The following CBFA2T2 variants were observed in gnomAD, a reference collection of about 807,000 sequenced individuals.
CBFA2T2 encodes the protein CBFA2/RUNX1 partner transcriptional co-repressor 2.
A neutral mutation model predicts 62.2 loss-of-function variants in CBFA2T2; 11 were observed. The observed-to-expected ratio is 0.18, with a 90% confidence interval of 0.11 to 0.29. CBFA2T2 has a LOEUF of 0.29. Among genes scored for constraint, CBFA2T2 ranks in the 10% least tolerant of loss-of-function variants. The pLI is 1.00. For missense variants in CBFA2T2, 592 were observed against 774.1 expected, an observed-to-expected ratio of 0.76 and a Z score of 2.79; for synonymous variants, 295 against 287.5, an observed-to-expected ratio of 1.03 and a Z score of -0.27.
chr20:33,546,196 A>T (rs1475162301), intron 1 of CBFA2T2, among the ~76,000 whole-genome samples: 1 of 152,086 alleles, frequency 6.6e-6, no homozygotes, highest in African/African-American at 2.4e-5. Context: ...TTTTTCCTGA[A>T]GATTTGCAAT....
chr20:33,511,333 C>T (rs934357537), intron 1 of CBFA2T2, among the ~76,000 whole-genome samples: 10 of 152,092 alleles, frequency 6.6e-5, no homozygotes, highest in African/African-American at 1.9e-4. Context: ...GAAAGGGATC[C>T]GGTTTCAGTT....
intron 2 of CBFA2T2, among the ~76,000 whole-genome samples, chr20:33,608,615 T>C (rs1474914301): frequency 6.6e-6 from 1 of 152,204 alleles, no homozygotes; most frequent in Non-Finnish European, 1.5e-5. Flanking sequence ...TAGACATATA[T>C]ACTATCTTGA....
In CBFA2T2 at chr20:33,551,278, G is replaced by A. The variant is rs550680058; in HGVS notation, c.35-55678G>A. On this transcript the variant is annotated intron_variant, in intron 1 of 10. Coordinates refer to ENST00000342704, the MANE Select transcript of CBFA2T2 (RefSeq NM_001032999.3). ...GTCGCCCAGGCTGGAGTGCAATGGCGTAATCTCGGCTCACTGCAACCTCAG... is the reference window on the plus strand; with the variant it reads ...GTCGCCCAGGCTGGAGTGCAATGGCATAATCTCGGCTCACTGCAACCTCAG... 2.2e-3 allele frequency among the ~76,000 whole-genome samples: 340 copies of A among 151,172 alleles called. 1 individual carries two copies. Among genetic ancestry groups the A allele is most frequent in the East Asian group, 0.011 (58 of 5,132 alleles).
At position 33,616,078 on chromosome 20, in the gene CBFA2T2, GAGATAGATAGATAGAT is replaced by G. The variant is rs3054967; in HGVS notation, c.421-3398_421-3383del. Among the ~76,000 whole-genome samples, 648 of 143,286 alleles carry G rather than the reference GAGATAGATAGATAGAT, an allele frequency of 4.5e-3. 6 individuals carry two copies. The highest frequency in any genetic ancestry group is 0.017 in the Admixed American group (248 of 14,262). 94.0% of individuals were successfully genotyped at this position (143,286 alleles called of 152,430 possible). ...GTGACAAAGCAATACTCTGTAGATAGAGATAGATAGATAGATAGATAGATAGATAGATAGATAGATA... is the reference window on the plus strand; with the variant it reads ...GTGACAAAGCAATACTCTGTAGATAGAGATAGATAGATAGATAGATAGATA... On this transcript the variant is annotated intron_variant, in intron 3 of 10. Coordinates refer to ENST00000342704, the MANE Select transcript of CBFA2T2 (RefSeq NM_001032999.3).
At chr20:33,597,564 C>G (rs939015733) in intron 1 of CBFA2T2, among the ~76,000 whole-genome samples, 3 of 152,148 alleles carry the variant, frequency 2.0e-5, no homozygotes, top group African/African-American at 7.2e-5. Context: ...ATTAGGAGGG[C>G]AATCCCTGTT....
chr20:33,493,066 T>TG (rs1043583780), intron 1 of CBFA2T2, among the ~76,000 whole-genome samples: 4 of 148,220 alleles, frequency 2.7e-5, no homozygotes, highest in African/African-American at 1.0e-4. Context: ...ATTGAAGTTT[T>TG]GGTTTTTTTT....
intron 1 of CBFA2T2, among the ~76,000 whole-genome samples, chr20:33,571,379 A>C (rs564720259): frequency 6.6e-6 from 1 of 152,242 alleles, no homozygotes; most frequent in Non-Finnish European, 1.5e-5. Context: ...GGGTGAGTTT[A>C]AAGATAGATG....
chr20:33,630,997 T>A (rs755599032), intron 8 of CBFA2T2, among the ~76,000 whole-genome samples: 1 of 152,152 alleles, frequency 6.6e-6, no homozygotes, highest in Non-Finnish European at 1.5e-5. Context: ...TGTAGAGTTA[T>A]ATAGTATGAT....
intron 1 of CBFA2T2, among the ~76,000 whole-genome samples, chr20:33,549,277 T>TA (rs34320004): frequency 1.6e-3 from 239 of 147,232 alleles, no homozygotes; most frequent in African/African-American, 4.5e-3. Flanking sequence ...GACAAATTTA[T>TA]AAAAAAAAAA....
intron 1 of CBFA2T2, among the ~76,000 whole-genome samples, chr20:33,579,191 C>T (rs2013991055): frequency 6.6e-6 from 1 of 150,642 alleles, no homozygotes; most frequent in Non-Finnish European, 1.5e-5. Context: ...CATAAACCAC[C>T]ATGCCTGGTC....
chr20:33,616,889 T>A (rs183841122), intron 3 of CBFA2T2, among the ~76,000 whole-genome samples: 1 of 152,292 alleles, frequency 6.6e-6, no homozygotes. Context: ...CATTTCAGTT[T>A]CCTCAAGGAC....
chr20:33,581,274 G>A (rs762429168), intron 1 of CBFA2T2, among the ~76,000 whole-genome samples: 2 of 152,064 alleles, frequency 1.3e-5, no homozygotes, highest in Non-Finnish European at 2.9e-5. Flanking sequence ...GATCAGGTGG[G>A]TCTCAAACTC....
chr20:33,611,368 C>CT, intron 3 of CBFA2T2, 33 bp downstream of exon 3: 1 of 1,607,352 alleles, frequency 6.2e-7, no homozygotes, highest in Non-Finnish European at 8.5e-7. Context: ...TCTCAGCTGC[C>CT]TGAGTATGTG....
At chr20:33,557,500 A>G (rs140823371) in intron 1 of CBFA2T2, among the ~76,000 whole-genome samples, 180 of 150,970 alleles carry the variant, frequency 1.2e-3, no homozygotes, top group African/African-American at 4.1e-3. Flanking sequence ...TTGCGTGTGT[A>G]TTTCTATGTC....
intron 9 of CBFA2T2, among the ~76,000 whole-genome samples, chr20:33,637,699 C>A (rs1018218798): frequency 6.0e-5 from 9 of 149,920 alleles, no homozygotes; most frequent in African/African-American, 2.2e-4. Context: ...TGGAGTTTCG[C>A]GCTTGTTGCC....
chr20:33,491,974 C>T (rs2011149805), intron 1 of CBFA2T2, among the ~76,000 whole-genome samples: 1 of 152,002 alleles, frequency 6.6e-6, no homozygotes, highest in Admixed American at 6.6e-5. Context: ...TCCCCCCGCC[C>T]CAGGTTCAAG....
At chr20:33,591,178 T>TAAAAAAA in intron 1 of CBFA2T2, among the ~76,000 whole-genome samples, 1 of 28,340 alleles carries the variant, frequency 3.5e-5, no homozygotes, top group South Asian at 1.1e-3. Context: ...AAACTCCCTC[T>TAAAAAAA]CAAAAAAAAA....
intron 8 of CBFA2T2, among the ~76,000 whole-genome samples, chr20:33,633,428 A>G (rs1376886232): frequency 1.3e-5 from 2 of 152,100 alleles, no homozygotes; most frequent in Non-Finnish European, 2.9e-5. Flanking sequence ...GCAGAAATCC[A>G]TGGTGTGGAT....
intron 1 of CBFA2T2, among the ~76,000 whole-genome samples, chr20:33,537,119 T>C (rs1231565137): frequency 1.3e-5 from 2 of 152,140 alleles, no homozygotes; most frequent in Admixed American, 6.5e-5. Flanking sequence ...CTCGGCACTT[T>C]GGGAGGCCAA....
Sources: gnomAD v4.1 joint callset for allele counts (sites outside exome capture counted in the v4.1 genomes callset) on GRCh38, gnomAD v4.1.1 for gene constraint, MANE v1.5 for transcripts, NCBI Gene and HGNC (gene_info 2026-07-23, HGNC 2026-07-21) for gene names.